The following COPZ2 variants were observed in gnomAD, a reference collection of about 807,000 sequenced individuals.
COPZ2 encodes coatomer subunit zeta-2.
In COPZ2, 30 loss-of-function variants were observed where a neutral mutation model predicts 33.2. That is an observed-to-expected ratio of 0.90 (90% CI 0.68 to 1.23). The LOEUF (loss-of-function observed/expected upper bound fraction) is 1.23, where lower values mean the gene tolerates loss of function less well. Among genes scored for constraint, COPZ2 ranks in the 50% most tolerant of loss-of-function variants. COPZ2 has a pLI of 0.00. For missense variants in COPZ2, 263 were observed against 262.4 expected (o/e 1.00, Z -0.02); for synonymous variants, 89 against 102.6 (o/e 0.87, Z 0.80).
At chr17:48,044,033 G>A in the COPZ2 span, among the ~76,000 whole-genome samples, 1 of 152,180 alleles carries the variant, frequency 6.6e-6, no homozygotes, top group African/African-American at 2.4e-5. Flanking sequence ...ACATTTTAGG[G>A]TTGAGAATGA....
chr17:48,032,905 C>A (rs1390589613), intron 4 of COPZ2, 164 bp from the exon 5 acceptor site: 5 of 629,256 alleles, frequency 7.9e-6, no homozygotes, highest in Non-Finnish European at 1.4e-5. Context: ...TGTGTCTGGG[C>A]TGGGAAACTG....
chr17:48,039,973 T>A (rs954782534), upstream of COPZ2, among the ~76,000 whole-genome samples: 1 of 151,816 alleles, frequency 6.6e-6, no homozygotes, highest in Admixed American at 6.6e-5. Flanking sequence ...TACAAAAAAA[T>A]TAGCCGGGGG....
chr17:48,036,834 G>A lies in COPZ2; in HGVS notation c.186+17C>T, dbSNP rs148534009. 1.9e-5 allele frequency: 30 copies of A among 1,611,786 alleles called. No homozygotes were observed. In the South Asian group the frequency reaches 2.7e-4, roughly 15 times the overall value. ...TGAGTGGGAACTGTGTCCCTCATGG[G>A]TGGGGTCAGAGGTTACCTTGGCCAG... is the stretch of plus-strand genomic sequence containing the variant. On this transcript the variant is annotated intron_variant, in intron 2 of 8. Transcript: ENST00000621465.
rs1201873273 is a variant in COPZ2, at chr17:48,033,945, C to G, written c.187-1G>C. On this transcript the variant is annotated splice_acceptor_variant, in intron 2 of 8. Transcript: ENST00000621465. LOFTEE classifies it high-confidence loss of function. ...TGGAGGGGAATGTGTCATCATAATA[C>G]TATGAGAAAGGGAAGGAGAAAGGAC... The G allele has an allele frequency of 3.7e-6, 6 of 1,601,644 alleles. No homozygotes were observed. Among genetic ancestry groups the G allele is most frequent in the Non-Finnish European group, 4.3e-6 (5 of 1,171,504 alleles).
chr17:48,041,749 A>C (rs540892030), upstream of COPZ2, among the ~76,000 whole-genome samples: 5 of 151,000 alleles, frequency 3.3e-5, no homozygotes, highest in African/African-American at 1.2e-4. Context: ...TGGGTATGTT[A>C]TTTCTAAAAA....
intron 2 of COPZ2, among the ~76,000 whole-genome samples, chr17:48,034,435 G>T (rs1024268528): frequency 6.6e-6 from 1 of 152,084 alleles, no homozygotes; most frequent in African/African-American, 2.4e-5. Flanking sequence ...AGCAAAGAAA[G>T]TCCCAAAAAG....
At chr17:48,038,137 C>G (rs1027010273), upstream of COPZ2, 1 of 152,746 alleles carries the variant, frequency 6.5e-6, no homozygotes, top group African/African-American at 2.4e-5. Flanking sequence ...ACAAGCAAAG[C>G]CCACTTTTGT....
At chr17:48,046,408 C>G in the COPZ2 span, 3 of 152,222 alleles carry the variant, frequency 2.0e-5, no homozygotes, top group Non-Finnish European at 4.4e-5. Flanking sequence ...AGAAATCCTC[C>G]CACCTCAGCC....
rs759585931 is a variant in COPZ2 at position 48,036,924 on chromosome 17, AACTG to A, written c.112-3_112del. ...GATGGTGTAGAGGGAAGGTTCCTGC[AACTG>A]ACACCGGAGAGGAGAGTTCCGTTTG... On this transcript the variant is annotated splice_acceptor_variant and splice_polypyrimidine_tract_variant and coding_sequence_variant and intron_variant, in exon 2 of 9. Transcript: ENST00000621465. LOFTEE classifies it high-confidence loss of function. 8.7e-6 allele frequency: 14 copies of A among 1,613,638 alleles called. No homozygotes were observed. The African/African-American group carries it at 1.2e-4, about 14-fold the overall frequency.
At chr17:48,043,644 G>A in the COPZ2 span, 1 of 785,940 alleles carries the variant, frequency 1.3e-6, no homozygotes, top group Non-Finnish European at 1.5e-6. Flanking sequence ...TGTAGGGTGG[G>A]TGGAGAGAGG....
Position 48,032,970 on chromosome 17 carries a change from G to A in COPZ2, c.361-229C>T, listed in dbSNP as rs904278321. The A allele has an allele frequency of 1.3e-5, 8 of 595,882 alleles. No homozygotes were observed. In the South Asian group the frequency reaches 1.6e-4, roughly 12 times the overall value. The allele number at this position is 595,882 out of a possible 1,614,324, so 36.9% of individuals were successfully genotyped here. On this transcript the variant is annotated intron_variant, in intron 4 of 8. Transcript: ENST00000621465. The stretch of plus-strand genomic sequence containing the variant: ...TCCTTCTCTAGTTATGTTTAAGAAG[G>A]ACAAAGCCTCCCTTGAAGATGAAGT...
At position 48,037,056 on chromosome 17, in the gene COPZ2, C is replaced by T; in HGVS notation, c.112-131G>A. 1 of 856,144 alleles carries T rather than the reference C, an allele frequency of 1.2e-6. No individual in the cohort carries two copies. The highest frequency in any genetic ancestry group is 2.0e-6 in the Non-Finnish European group (1 of 500,542). The allele number at this position is 856,144 out of a possible 1,614,324, so 53.0% of individuals were successfully genotyped here. On this transcript the variant is annotated intron_variant, in intron 1 of 8. Transcript: ENST00000621465. This position sits in a 1 kb window ranked among gnomAD's most constrained non-coding sequence, Gnocchi z 5.6. ...CAGTCCTCAAGGTCCACAGCTGGTT[C>T]TGCCCAGCCCTGTGCCACATGGGCC...
the COPZ2 span, among the ~76,000 whole-genome samples, chr17:48,044,427 T>TTTA: frequency 6.8e-6 from 1 of 146,704 alleles, no homozygotes; most frequent in Non-Finnish European, 1.5e-5. Context: ...TTTTTTTTTT[T>TTTA]ACCCCAATGT....
chr17:48,047,233 A>G, the COPZ2 span: 1 of 152,190 alleles, frequency 6.6e-6, no homozygotes, highest in Admixed American at 6.5e-5. Context: ...CTCTTCTAAG[A>G]AGACACAGTT....
upstream of COPZ2, among the ~76,000 whole-genome samples, chr17:48,042,444 T>A (rs2144325135): frequency 6.9e-6 from 1 of 145,120 alleles, no homozygotes; most frequent in Non-Finnish European, 1.5e-5. Context: ...TTGTTGTTCC[T>A]CTTCTTAAAA....
chr17:48,035,765 T>C (rs1451135463), intron 2 of COPZ2, among the ~76,000 whole-genome samples: 1 of 148,136 alleles, frequency 6.8e-6, no homozygotes, highest in Admixed American at 6.7e-5. Flanking sequence ...TTTTTTTTTT[T>C]TTTTTGAGAC....
At chr17:48,040,470 G>A (rs1009745003), upstream of COPZ2, among the ~76,000 whole-genome samples, 25 of 142,708 alleles carry the variant, frequency 1.8e-4, no homozygotes, top group African/African-American at 6.0e-4. Flanking sequence ...GTCTTGCTCC[G>A]TCACCAGGCT....
At chr17:48,029,613 G>T (rs372502334) in intron 6 of COPZ2, among the ~76,000 whole-genome samples, 20 of 151,344 alleles carry the variant, frequency 1.3e-4, no homozygotes, top group African/African-American at 4.9e-4. Context: ...GTCATGCCCT[G>T]CATAAAAGAA....
rs754250993 is a variant in COPZ2 at position 48,037,239 on chromosome 17, G to A, written c.112-314C>T. 8.3e-6 allele frequency: 5 copies of A among 601,836 alleles called. No homozygotes were observed. The highest frequency in any genetic ancestry group is 1.3e-5 in the Non-Finnish European group (4 of 313,334). The allele number at this position is 601,836 out of a possible 1,614,324, so 37.3% of individuals were successfully genotyped here. On this transcript the variant is annotated intron_variant, in intron 1 of 8. Transcript: ENST00000621465. This position sits in a 1 kb window ranked among gnomAD's most constrained non-coding sequence, Gnocchi z 5.6. ...GGAGTGTATCACAGAACCTGGGCCG[G>A]GGGGGACAGCGGGCCGAGCCTCCTT...
Sources: gnomAD v4.1 joint callset for allele counts (sites outside exome capture counted in the v4.1 genomes callset) on GRCh38, gnomAD v4.1.1 for gene constraint, Gnocchi (gnomAD v3.1) non-coding constraint, MANE v1.5 for transcripts, NCBI Gene and HGNC (gene_info 2026-07-23, HGNC 2026-07-21) for gene names.